CDH13: variants seen among roughly 807,000 people sequenced by gnomAD.
The protein encoded by CDH13 is cadherin-13.
Under a neutral mutation model 63.8 loss-of-function variants are expected in CDH13, and 24 were observed. The ratio of observed to expected loss-of-function variants is 0.38; its 90% confidence interval spans 0.27 to 0.53. The LOEUF is 0.53. Among genes scored for constraint, CDH13 ranks in the 20% least tolerant of loss-of-function variants. The pLI is 0.85. For synonymous variants in CDH13, 503 were observed against 355.3 expected (o/e 1.42, Z -4.67); for missense variants, 1,049 against 903.1 (o/e 1.16, Z -2.07).
rs551179016 is a variant in CDH13 at position 83,465,358 on chromosome 16, G to A, written c.782-21119G>A. Among the ~76,000 whole-genome samples the A allele has an allele frequency of 1.4e-4, 21 of 152,294 alleles. No homozygotes were observed. In the South Asian group the frequency reaches 3.9e-3, roughly 29 times the overall value. On this transcript the variant is annotated intron_variant, in intron 6 of 13. Transcript: ENST00000567109. ...TCCCTGAGATAAAATCTATAGCAAC[G>A]CCTAGGGCAGGAGGCTTTGATAAAC...
intron 5 of CDH13, among the ~76,000 whole-genome samples, chr16:83,293,869 G>A (rs2089522621): frequency 6.6e-6 from 1 of 152,144 alleles, no homozygotes; most frequent in Non-Finnish European, 1.5e-5. Context: ...TAATCTCTAA[G>A]GGCTTCACTG....
chr16:83,589,298 C>G (rs1286340983), intron 7 of CDH13, among the ~76,000 whole-genome samples: 1 of 124,422 alleles, frequency 8.0e-6, no homozygotes, highest in Non-Finnish European at 1.7e-5. Context: ...GGACCCCTCT[C>G]CCTCCCTTCT....
chr16:82,765,448 C>G (rs2035019738), intron 1 of CDH13, among the ~76,000 whole-genome samples: 1 of 152,150 alleles, frequency 6.6e-6, no homozygotes, highest in African/African-American at 2.4e-5. Context: ...TTTTAACTGT[C>G]AAAATCATAG....
rs116328621 is a variant in CDH13, at chr16:82,899,588, C to T, written c.157+41115C>T. ...AGGCAATGCCTGCAGGTGGGTGGCA[C>T]GTGTAGGTGCCTGTGTGTGTGTGTG... On this transcript the variant is annotated intron_variant, in intron 2 of 13. Coordinates refer to ENST00000567109, the MANE Select transcript of CDH13 (RefSeq NM_001257.5). Among the ~76,000 whole-genome samples the T allele has an allele frequency of 5.4e-3, 814 of 151,944 alleles. 5 individuals carry two copies. The highest frequency in any genetic ancestry group is 0.019 in the African/African-American group (781 of 41,436).
intron 7 of CDH13, among the ~76,000 whole-genome samples, chr16:83,530,338 G>A (rs1349412580): frequency 6.6e-6 from 1 of 152,154 alleles, no homozygotes; most frequent in Non-Finnish European, 1.5e-5. Context: ...CTGACCTTGT[G>A]CTGAGTTTTA....
At chr16:83,396,692 G>A (rs2091891779) in intron 6 of CDH13, 1 of 152,134 alleles carries the variant, frequency 6.6e-6, no homozygotes, top group Non-Finnish European at 1.5e-5. Flanking sequence ...AAGATAAGCA[G>A]TAATTGAAGG....
chr16:83,430,246 T>C (rs2072054806), intron 6 of CDH13, among the ~76,000 whole-genome samples: 1 of 152,200 alleles, frequency 6.6e-6, no homozygotes, highest in African/African-American at 2.4e-5. Flanking sequence ...GCACTCTCTT[T>C]TCCAGTTTGA....
At position 82,836,454 on chromosome 16, in the gene CDH13, C is replaced by T. The variant is rs140633476; in HGVS notation, c.46-21908C>T. Among the ~76,000 whole-genome samples the T allele has an allele frequency of 5.3e-5, 8 of 152,132 alleles. No homozygotes were observed. The South Asian group carries it at 8.3e-4, about 16-fold the overall frequency. On this transcript the variant is annotated intron_variant, in intron 1 of 13. Coordinates refer to ENST00000567109, the MANE Select transcript of CDH13 (RefSeq NM_001257.5). ...CATGAGCCGCTGTGCCTGGCCAAGA[C>T]GTAATTATTAAAATTAACAATGTTC... is the stretch of plus-strand genomic sequence containing the variant.
chr16:83,746,029 G>A (rs965624885), intron 10 of CDH13, among the ~76,000 whole-genome samples: 85 of 152,192 alleles, frequency 5.6e-4, no homozygotes, highest in African/African-American at 1.9e-3. Context: ...TACGATTTGC[G>A]TAGCTGTTGG....
intron 1 of CDH13, among the ~76,000 whole-genome samples, chr16:82,807,842 A>G (rs572718812): frequency 1.8e-4 from 28 of 152,322 alleles, no homozygotes; most frequent in Admixed American, 7.2e-4. Context: ...GGGACTTTTA[A>G]CAAACTTTAT....
chr16:83,744,269 A>G (rs181306646), intron 10 of CDH13, among the ~76,000 whole-genome samples: 1 of 152,190 alleles, frequency 6.6e-6, no homozygotes, highest in African/African-American at 2.4e-5. Flanking sequence ...TGTGCCTCGC[A>G]CAGACCTAGT....
chr16:82,855,005 C>T (rs1255728603), intron 1 of CDH13, among the ~76,000 whole-genome samples: 1 of 152,094 alleles, frequency 6.6e-6, no homozygotes, highest in African/African-American at 2.4e-5. Flanking sequence ...AATGATTTGA[C>T]TAATTCTTAC....
intron 1 of CDH13, among the ~76,000 whole-genome samples, chr16:82,807,333 A>G (rs1229303700): frequency 6.6e-6 from 1 of 152,192 alleles, no homozygotes; most frequent in South Asian, 2.1e-4. Flanking sequence ...CAGGCAAAAG[A>G]AAATAGGGTA....
intron 5 of CDH13, among the ~76,000 whole-genome samples, chr16:83,299,132 T>G (rs1010407793): frequency 1.3e-5 from 2 of 152,204 alleles, no homozygotes; most frequent in Admixed American, 1.3e-4. Flanking sequence ...ATACACTGTT[T>G]TGCAACCTGT....
Position 83,512,496 on chromosome 16 carries a change from G to A in CDH13, c.960+25841G>A, listed in dbSNP as rs573743071. On this transcript the variant is annotated intron_variant, in intron 7 of 13. Transcript: ENST00000567109. ...CCAGCCTGGCCAATATGATGAAACCGATCTCTACTAAAAATACAAAAATTA... is the reference window on the plus strand; with the variant it reads ...CCAGCCTGGCCAATATGATGAAACCAATCTCTACTAAAAATACAAAAATTA... Among the ~76,000 whole-genome samples, 22 of 150,354 alleles carry A rather than the reference G, an allele frequency of 1.5e-4. No homozygotes were observed. In the South Asian group the frequency reaches 4.0e-3, roughly 27 times the overall value.
intron 1 of CDH13, among the ~76,000 whole-genome samples, chr16:82,788,146 C>T (rs995911241): frequency 5.9e-5 from 9 of 152,270 alleles, no homozygotes; most frequent in Non-Finnish European, 1.3e-4. Flanking sequence ...AGTAGGAATG[C>T]ATCTAGGAAC....
chr16:83,311,265 C>G (rs1234919453), intron 5 of CDH13, among the ~76,000 whole-genome samples: 1 of 152,114 alleles, frequency 6.6e-6, no homozygotes, highest in East Asian at 1.9e-4. Flanking sequence ...AGCAAGTCAA[C>G]TTCTTATCAG....
intron 2 of CDH13, among the ~76,000 whole-genome samples, chr16:82,875,217 G>A (rs1324499907): frequency 6.6e-6 from 1 of 152,166 alleles, no homozygotes; most frequent in East Asian, 1.9e-4. Flanking sequence ...CAGACTTCTT[G>A]TTTTCATGAT....
At position 83,446,875 on chromosome 16, in the gene CDH13, A is replaced by C. The variant is rs1223987922; in HGVS notation, c.782-39602A>C. Among the ~76,000 whole-genome samples, 4 of 151,920 alleles carry C rather than the reference A, an allele frequency of 2.6e-5. No individual in the cohort carries two copies. The East Asian group carries it at 7.7e-4, about 29-fold the overall frequency. On this transcript the variant is annotated intron_variant, in intron 6 of 13. Coordinates refer to ENST00000567109, the MANE Select transcript of CDH13 (RefSeq NM_001257.5). ...GGGCTTTTAAAAGTTATGTCTTTAT[A>C]ATAAAATAAAAGCTGGGGACCATGT...
Sources: gnomAD v4.1 joint callset for allele counts (sites outside exome capture counted in the v4.1 genomes callset) on GRCh38, gnomAD v4.1.1 for gene constraint, MANE v1.5 for transcripts, NCBI Gene and HGNC (gene_info 2026-07-23, HGNC 2026-07-21) for gene names.